The following GLB1 variants were observed in gnomAD, a reference collection of about 807,000 sequenced individuals.
GLB1 encodes galactosidase beta 1, also known as beta-galactosidase.
A neutral mutation model predicts 74.0 loss-of-function variants in GLB1; 56 were observed. The observed-to-expected ratio is 0.76, with a 90% CI of 0.61 to 0.94. The LOEUF (loss-of-function observed/expected upper bound fraction) is 0.94. Ranked by LOEUF, GLB1 falls within the 40% of genes least tolerant of loss-of-function variation. The pLI is 0.00. For synonymous variants in GLB1, 323 were observed against 323.6 expected (o/e 1.00, Z 0.02); for missense variants, 787 against 845.5 (o/e 0.93, Z 0.86).
At chr3:33,074,377 G>GA (rs1559412898) in intron 1 of GLB1, among the ~76,000 whole-genome samples, 2 of 8,192 alleles carry the variant, frequency 2.4e-4, no homozygotes, top group Admixed American at 3.5e-3. Flanking sequence ...AGGAAGGAAG[G>GA]AAGGAAGGAA....
At position 33,040,589 on chromosome 3, in the gene GLB1, C is replaced by T. The variant is rs376816378; in HGVS notation, c.1068+5531G>A. ...ACTGCACCACTGCACTCAGCCTGGG[C>T]GAGAGTGAAACCCTGTCTCTAAGAA... On this transcript the variant is annotated intron_variant, in intron 10 of 15. Coordinates refer to ENST00000307363, the MANE Select transcript of GLB1 (RefSeq NM_000404.4). Among the ~76,000 whole-genome samples the T allele has an allele frequency of 3.4e-4, 6 of 17,420 alleles. No homozygotes were observed. In the Non-Finnish European group the frequency reaches 0.013, roughly 38 times the overall value. 11.4% of individuals were successfully genotyped at this position (17,420 alleles called of 152,430 possible).
At chr3:33,091,256 G>T in intron 1 of GLB1, 1 of 985,484 alleles carries the variant, frequency 1.0e-6, no homozygotes, top group Non-Finnish European at 1.2e-6. Flanking sequence ...ATGGCCCACT[G>T]TCAATACCGT....
At chr3:33,056,214 C>A (rs553208539) in intron 6 of GLB1, among the ~76,000 whole-genome samples, 6 of 102,050 alleles carry the variant, frequency 5.9e-5, no homozygotes, top group Admixed American at 1.6e-4. Flanking sequence ...GCAACAAGAG[C>A]GAAACTCCAC....
chr3:32,963,298 AT>A, the GLB1 span, among the ~76,000 whole-genome samples: 5 of 152,226 alleles, frequency 3.3e-5, no homozygotes, highest in African/African-American at 9.6e-5. Flanking sequence ...CAGAAAAAAA[AT>A]ATTTAAATGT....
the GLB1 span, among the ~76,000 whole-genome samples, chr3:32,969,559 A>C: frequency 6.6e-6 from 1 of 152,198 alleles, no homozygotes; most frequent in East Asian, 1.9e-4. Flanking sequence ...CCTTCTAAAG[A>C]AGAAGCCTTA....
chr3:33,037,519 AG>A (rs1698329044), intron 10 of GLB1, among the ~76,000 whole-genome samples: 1 of 152,220 alleles, frequency 6.6e-6, no homozygotes, highest in South Asian at 2.1e-4. Context: ...AATCAAATCA[AG>A]TAAATCAGTA....
At chr3:33,005,694 T>G (rs1374858353) in intron 15 of GLB1, among the ~76,000 whole-genome samples, 1 of 152,104 alleles carries the variant, frequency 6.6e-6, no homozygotes, top group African/African-American at 2.4e-5. Context: ...TGAGGTCTTA[T>G]TAAGTTGCCT....
In GLB1 at chr3:33,093,382, A is replaced by C. The variant is rs149292694; in HGVS notation, c.75+3629T>G. ...TACTCATGATTGCCTGTGACGAAGTAGGCACCGAGATGTGAATGAAGCTGG... is the reference window on the plus strand; with the variant it reads ...TACTCATGATTGCCTGTGACGAAGTCGGCACCGAGATGTGAATGAAGCTGG... On this transcript the variant is annotated intron_variant, in intron 1 of 15. Coordinates refer to ENST00000307363, the MANE Select transcript of GLB1 (RefSeq NM_000404.4). The surrounding 1 kb of genome is among the most constrained non-coding windows in gnomAD (Gnocchi z 6.0). 1.9e-6 allele frequency: 3 copies of C among 1,614,030 alleles called. No individual in the cohort carries two copies. The African/African-American group carries it at 4.0e-5, about 22-fold the overall frequency.
chr3:33,034,423 T>C (rs141802080), intron 10 of GLB1: 159 of 739,920 alleles, frequency 2.1e-4, no homozygotes, highest in Non-Finnish European at 3.5e-4. Context: ...CAGGTGGCTG[T>C]GACAACCTCT....
At chr3:33,050,343 A>C (rs1302764699) in intron 9 of GLB1, among the ~76,000 whole-genome samples, 1 of 152,258 alleles carries the variant, frequency 6.6e-6, no homozygotes, top group Non-Finnish European at 1.5e-5. Flanking sequence ...ATCCTTGTAC[A>C]TCAATGTTCA....
intron 5 of GLB1, among the ~76,000 whole-genome samples, chr3:33,063,949 C>T (rs1004639108): frequency 2.0e-5 from 3 of 152,098 alleles, no homozygotes; most frequent in Non-Finnish European, 4.4e-5. Flanking sequence ...CTCTCAGCAC[C>T]TCTGTCCACC....
At chr3:32,971,138 C>T in the GLB1 span, among the ~76,000 whole-genome samples, 1 of 152,206 alleles carries the variant, frequency 6.6e-6, no homozygotes, top group Non-Finnish European at 1.5e-5. Context: ...CATTTATATT[C>T]AGGAAGGACT....
At chr3:33,053,640 C>A (rs1699093998) in intron 6 of GLB1, 91 bp from the exon 7 acceptor site, 1 of 1,541,490 alleles carries the variant, frequency 6.5e-7, no homozygotes, top group African/African-American at 1.4e-5. Flanking sequence ...GGGCCTGAAG[C>A]CCTGCTACGG....
At chr3:32,995,521 G>A (rs1024899393), downstream of GLB1, among the ~76,000 whole-genome samples, 3 of 151,712 alleles carry the variant, frequency 2.0e-5, no homozygotes, top group African/African-American at 4.8e-5. Context: ...TGTTTGTTTC[G>A]GCTCATCTAT....
chr3:33,008,988 G>A (rs1198878179), intron 15 of GLB1, among the ~76,000 whole-genome samples: 1 of 151,964 alleles, frequency 6.6e-6, no homozygotes, highest in Non-Finnish European at 1.5e-5. Flanking sequence ...GCGTGGTGGT[G>A]CATGCCTGTA....
rs4613407 is a variant in GLB1, at chr3:33,078,791, C to A, written c.76-6078G>T. ...ACGATATTCATTAGGTCAGTGTGAA[C>A]CTGGTTTGGATCCTAATTCTTTTAT... On this transcript the variant is annotated intron_variant, in intron 1 of 15. Transcript: ENST00000307363. Among the ~76,000 whole-genome samples the A allele has an allele frequency of 3.4e-3, 517 of 152,110 alleles. 1 individual carries two copies. The highest frequency in any genetic ancestry group is 0.014 in the Middle Eastern group (4 of 294).
intron 2 of GLB1, among the ~76,000 whole-genome samples, chr3:33,069,837 CA>C (rs1218166241): frequency 6.6e-6 from 1 of 152,092 alleles, no homozygotes; most frequent in Non-Finnish European, 1.5e-5. Flanking sequence ...ATTTTAGGTT[CA>C]GGGGTACATG....
At chr3:33,069,716 T>C (rs1329883445) in intron 2 of GLB1, among the ~76,000 whole-genome samples, 2 of 152,218 alleles carry the variant, frequency 1.3e-5, no homozygotes, top group Admixed American at 6.5e-5. Flanking sequence ...TATTTGAACA[T>C]GACTTTCTTG....
At chr3:33,033,868 G>C in intron 10 of GLB1, 1 of 506,050 alleles carries the variant, frequency 2.0e-6, no homozygotes, top group African/African-American at 2.0e-5. Context: ...GTATCATGGT[G>C]TCAGTAATTA....
Sources: gnomAD v4.1 joint callset for allele counts (sites outside exome capture counted in the v4.1 genomes callset) on GRCh38, gnomAD v4.1.1 for gene constraint, Gnocchi (gnomAD v3.1) non-coding constraint, MANE v1.5 for transcripts, NCBI Gene and HGNC (gene_info 2026-07-23, HGNC 2026-07-21) for gene names.